Variants in FGF12 observed in about 807,000 individuals in gnomAD.
FGF12 encodes fibroblast growth factor 12B.
FGF12 carries 14 observed loss-of-function variants against 23.6 expected under a neutral mutation model. The ratio of observed to expected loss-of-function variants is 0.59; its 90% CI spans 0.39 to 0.93. FGF12 has a LOEUF of 0.93. Ranked by LOEUF, FGF12 falls within the 40% of genes least tolerant of loss-of-function variation. The pLI, the probability that FGF12 is intolerant of heterozygous loss-of-function variation, is 0.00. For synonymous variants in FGF12, 62 were observed against 77.3 expected (o/e 0.80, Z 1.04); for missense variants, 175 against 217.8 (o/e 0.80, Z 1.24).
At chr3:192,483,507 G>C (rs1336954821) in intron 2 of FGF12, among the ~76,000 whole-genome samples, 2 of 152,058 alleles carry the variant, frequency 1.3e-5, no homozygotes, top group Non-Finnish European at 2.9e-5. Flanking sequence ...ATTTCCTCAA[G>C]ATGCTAAAAT....
chr3:192,378,084 T>G (rs200406366), intron 2 of FGF12, among the ~76,000 whole-genome samples: 14 of 114,394 alleles, frequency 1.2e-4, no homozygotes, highest in Admixed American at 1.7e-4. Flanking sequence ...CTTTCTTTCT[T>G]TCTTTCTTTC....
intron 2 of FGF12, among the ~76,000 whole-genome samples, chr3:192,695,225 T>C (rs1395400930): frequency 3.3e-5 from 5 of 152,200 alleles, no homozygotes; most frequent in African/African-American, 9.7e-5. Context: ...CTATTCCAAA[T>C]ACAAACCTAG....
intron 2 of FGF12, among the ~76,000 whole-genome samples, chr3:192,541,159 C>T (rs921887540): frequency 4.6e-5 from 7 of 152,054 alleles, no homozygotes; most frequent in African/African-American, 1.7e-4. Flanking sequence ...TTACCCCTGC[C>T]ATTTTGTTAC....
chr3:192,309,554 G>C (rs1357675582), intron 4 of FGF12, among the ~76,000 whole-genome samples: 2 of 152,072 alleles, frequency 1.3e-5, no homozygotes, highest in Non-Finnish European at 2.9e-5. Flanking sequence ...AGGTGGGAGA[G>C]AGGTACAAGC....
At chr3:192,660,520 A>C (rs1043732524) in intron 2 of FGF12, among the ~76,000 whole-genome samples, 1 of 151,120 alleles carries the variant, frequency 6.6e-6, no homozygotes, top group East Asian at 1.9e-4. Flanking sequence ...AAAAAAAAAA[A>C]AAGAAAGAAA....
At chr3:192,606,599 T>C (rs1013551434) in intron 2 of FGF12, among the ~76,000 whole-genome samples, 18 of 152,192 alleles carry the variant, frequency 1.2e-4, no homozygotes, top group Non-Finnish European at 2.5e-4. Flanking sequence ...CACTATCTAA[T>C]TTATGTGCCA....
chr3:192,656,868 C>A (rs540512954), intron 2 of FGF12, among the ~76,000 whole-genome samples: 6 of 152,104 alleles, frequency 3.9e-5, no homozygotes, highest in Non-Finnish European at 8.8e-5. Context: ...TGCATAATAG[C>A]CACAATTATT....
At chr3:192,596,439 T>C (rs560207533) in intron 2 of FGF12, among the ~76,000 whole-genome samples, 68 of 152,274 alleles carry the variant, frequency 4.5e-4, no homozygotes, top group Non-Finnish European at 8.4e-4. Flanking sequence ...TGTGGTTTCC[T>C]AAGCTTTTCA....
intron 4 of FGF12, among the ~76,000 whole-genome samples, chr3:192,239,161 G>T (rs1719464272): frequency 6.6e-6 from 1 of 152,168 alleles, no homozygotes; most frequent in African/African-American, 2.4e-5. Flanking sequence ...AAAAATATCT[G>T]CAGGATACAT....
At chr3:192,590,987 A>G (rs1713597979) in intron 2 of FGF12, among the ~76,000 whole-genome samples, 2 of 151,404 alleles carry the variant, frequency 1.3e-5, no homozygotes, top group African/African-American at 4.8e-5. Flanking sequence ...ACTTTCTAAC[A>G]AAACACCAAA....
chr3:192,259,735 G>T (rs75597594), intron 4 of FGF12, among the ~76,000 whole-genome samples: 2,862 of 152,144 alleles, frequency 0.019, 73 homozygotes, highest in African/African-American at 0.054. Context: ...GATACAAAAA[G>T]ACAATAAATA....
intron 2 of FGF12, among the ~76,000 whole-genome samples, chr3:192,635,750 G>A (rs1715554787): frequency 6.6e-6 from 1 of 152,082 alleles, no homozygotes; most frequent in African/African-American, 2.4e-5. Flanking sequence ...GGAAGTAGAG[G>A]TCCATCCTTT....
At chr3:192,223,780 T>C (rs998037790) in intron 4 of FGF12, among the ~76,000 whole-genome samples, 4 of 152,134 alleles carry the variant, frequency 2.6e-5, no homozygotes, top group African/African-American at 9.7e-5. Flanking sequence ...TGAAAAAATA[T>C]AAATGGTAAC....
chr3:192,665,789 A>T (rs576387681), intron 2 of FGF12, among the ~76,000 whole-genome samples: 13 of 39,898 alleles, frequency 3.3e-4, no homozygotes, highest in East Asian at 8.3e-4. Flanking sequence ...TAAAATTTTT[A>T]AAAAAAGAAT....
intron 3 of FGF12, among the ~76,000 whole-genome samples, chr3:192,356,481 T>C (rs531565934): frequency 6.6e-6 from 1 of 151,628 alleles, no homozygotes; most frequent in Non-Finnish European, 1.5e-5. Context: ...ATATTCCTAT[T>C]AATACCCTCC....
chr3:192,195,689 T>C (rs1193437753), intron 4 of FGF12, among the ~76,000 whole-genome samples: 1 of 152,188 alleles, frequency 6.6e-6, no homozygotes, highest in Non-Finnish European at 1.5e-5. Flanking sequence ...ACTATATGTA[T>C]ATACATATAC....
chr3:192,625,896 C>T (rs537553074), intron 2 of FGF12, among the ~76,000 whole-genome samples: 1 of 152,190 alleles, frequency 6.6e-6, no homozygotes, highest in African/African-American at 2.4e-5. Context: ...TTCCCAAGAT[C>T]CCAAGGTTAG....
intron 2 of FGF12, among the ~76,000 whole-genome samples, chr3:192,548,464 C>A (rs984536533): frequency 1.3e-5 from 2 of 152,090 alleles, no homozygotes; most frequent in Non-Finnish European, 2.9e-5. Flanking sequence ...CATAATTACT[C>A]AACTTGGAGC....
At chr3:192,722,452 T>C (rs1023562451) in intron 2 of FGF12, among the ~76,000 whole-genome samples, 5 of 152,226 alleles carry the variant, frequency 3.3e-5, no homozygotes, top group African/African-American at 1.2e-4. Context: ...CTTAAGTGTG[T>C]TGGTTCATGG....
Sources: gnomAD v4.1 joint callset for allele counts (sites outside exome capture counted in the v4.1 genomes callset) on GRCh38, gnomAD v4.1.1 for gene constraint, MANE v1.5 for transcripts, NCBI Gene and HGNC (gene_info 2026-07-23, HGNC 2026-07-21) for gene names.